Variants in LHFPL6 observed in about 807,000 individuals in gnomAD.
LHFPL6 encodes LHFPL tetraspan subfamily member 6, also known as LHFPL tetraspan subfamily member 6 protein.
A neutral mutation model predicts 20.6 loss-of-function variants in LHFPL6; 9 were observed. That is an observed-to-expected ratio of 0.44 (90% confidence interval 0.26 to 0.76). The LOEUF is 0.76. LHFPL6 is among the 30% of genes least tolerant of loss of function. LHFPL6 has a pLI of 0.20. For synonymous variants in LHFPL6, 105 were observed against 98.7 expected (o/e 1.06, Z -0.38); for missense variants, 218 against 253.5 (o/e 0.86, Z 0.95).
chr13:39,550,960 C>A (rs1871130669), intron 2 of LHFPL6, among the ~76,000 whole-genome samples: 1 of 152,056 alleles, frequency 6.6e-6, no homozygotes, highest in Non-Finnish European at 1.5e-5. Context: ...TTCTAAATAA[C>A]ATTTACCCAG....
At chr13:39,596,655 TAA>T (rs11322450) in intron 2 of LHFPL6, among the ~76,000 whole-genome samples, 344 of 147,778 alleles carry the variant, frequency 2.3e-3, no homozygotes, top group East Asian at 2.4e-3. Context: ...AGGCATAATT[TAA>T]AAAAAAAAAA....
chr13:39,429,325 TA>T (rs1566109557), intron 2 of LHFPL6, among the ~76,000 whole-genome samples: 1 of 152,194 alleles, frequency 6.6e-6, no homozygotes, highest in Admixed American at 6.5e-5. Flanking sequence ...AATAGGTACA[TA>T]TTCAGGATTA....
chr13:39,468,557 A>G (rs144091577), intron 2 of LHFPL6, among the ~76,000 whole-genome samples: 33 of 152,292 alleles, frequency 2.2e-4, no homozygotes, highest in Non-Finnish European at 4.1e-4. Context: ...CAGTGGCATA[A>G]TGCTTCCATG....
chr13:39,432,959 A>G (rs1396469803), intron 2 of LHFPL6, among the ~76,000 whole-genome samples: 1 of 152,244 alleles, frequency 6.6e-6, no homozygotes, highest in African/African-American at 2.4e-5. Flanking sequence ...GAAAACAAAT[A>G]CCAAAACAGA....
chr13:39,378,567 C>T (rs1402962924), intron 2 of LHFPL6, 41 bp from the exon 3 acceptor site: 1 of 1,441,902 alleles, frequency 6.9e-7, no homozygotes, highest in Non-Finnish European at 9.8e-7. Context: ...CAGTGCTTCT[C>T]TGCATCACTA....
chr13:39,349,613 T>C (rs999043110), intron 3 of LHFPL6, among the ~76,000 whole-genome samples: 5 of 152,200 alleles, frequency 3.3e-5, no homozygotes, highest in African/African-American at 1.2e-4. Context: ...CATTAAGCAA[T>C]AATGAGACAT....
intron 2 of LHFPL6, among the ~76,000 whole-genome samples, chr13:39,399,848 C>T (rs1351577587): frequency 6.6e-6 from 1 of 152,196 alleles, no homozygotes; most frequent in Non-Finnish European, 1.5e-5. Flanking sequence ...AATCCCAGCA[C>T]TTTGGGAGAC....
intron 2 of LHFPL6, among the ~76,000 whole-genome samples, chr13:39,501,045 C>A (rs1239449996): frequency 6.6e-6 from 1 of 152,150 alleles, no homozygotes; most frequent in East Asian, 1.9e-4. Flanking sequence ...CTTTGGGGAC[C>A]ACTGCCCTGG....
intron 2 of LHFPL6, among the ~76,000 whole-genome samples, chr13:39,457,492 G>A (rs1363399854): frequency 3.3e-5 from 5 of 152,174 alleles, no homozygotes; most frequent in African/African-American, 1.2e-4. Context: ...TGCTGGAAAG[G>A]ATGTGGAGCA....
chr13:39,541,288 T>G (rs1272368165), intron 2 of LHFPL6, among the ~76,000 whole-genome samples: 3 of 152,156 alleles, frequency 2.0e-5, no homozygotes, highest in African/African-American at 7.2e-5. Flanking sequence ...TGAACACCAA[T>G]GAAGTCCATT....
chr13:39,344,009 G>C lies in LHFPL6; in HGVS notation c.530C>G (p.Ala177Gly). Reference sequence around the variant, plus strand: ...CGTGCACAGCAGCATGGCGGCAGTGGCACCTGCTCCCGTGCAGTAGTAGGC... The same window carrying C: ...CGTGCACAGCAGCATGGCGGCAGTGCCACCTGCTCCCGTGCAGTAGTAGGC... ...GWAYYCTGAG[A>G]TAAMLLCTWL... is the part of the protein sequence containing the mutation. The change falls in exon 4 of 4, where the codon GCC becomes GGC. Residue 177 changes from alanine (A) to glycine (G), a missense_variant. By Grantham distance (60) the Ala-to-Gly change is moderately conservative (BLOSUM62 0). Transcript: ENST00000379589. 1 of 1,613,668 alleles carries C rather than the reference G, an allele frequency of 6.2e-7. No homozygotes were observed. The highest frequency in any genetic ancestry group is 8.5e-7 in the Non-Finnish European group (1 of 1,179,878).
At chr13:39,602,378 C>A (rs966539194) in intron 1 of LHFPL6, among the ~76,000 whole-genome samples, 1 of 152,178 alleles carries the variant, frequency 6.6e-6, no homozygotes, top group African/African-American at 2.4e-5. Flanking sequence ...AACCACCGCC[C>A]ATTTTCAGTT....
intron 3 of LHFPL6, among the ~76,000 whole-genome samples, chr13:39,357,910 C>G (rs1245719592): frequency 6.6e-6 from 1 of 152,058 alleles, no homozygotes; most frequent in Non-Finnish European, 1.5e-5. Flanking sequence ...ACTTAAAAAG[C>G]TACCAACCAT....
intron 2 of LHFPL6, among the ~76,000 whole-genome samples, chr13:39,485,013 T>C (rs939043099): frequency 4.5e-4 from 69 of 152,300 alleles, no homozygotes; most frequent in African/African-American, 1.5e-3. Flanking sequence ...TATAGAAGAT[T>C]CTCATTTATC....
At position 39,591,719 on chromosome 13, in the gene LHFPL6, C is replaced by T. The variant is rs541065043; in HGVS notation, c.385+9113G>A. Among the ~76,000 whole-genome samples, 3 of 152,306 alleles carry T rather than the reference C, an allele frequency of 2.0e-5. No homozygotes were observed. The East Asian group carries it at 5.8e-4, about 29-fold the overall frequency. On this transcript the variant is annotated intron_variant, in intron 2 of 3. Coordinates refer to ENST00000379589, the MANE Select transcript of LHFPL6 (RefSeq NM_005780.3). Reference sequence around the variant, plus strand: ...CTGGGCCCCACCCAGACCTTCCCAGCAGTCTCTCTGGGGCTAGGCCTTGGA... The same window carrying T: ...CTGGGCCCCACCCAGACCTTCCCAGTAGTCTCTCTGGGGCTAGGCCTTGGA...
intron 2 of LHFPL6, among the ~76,000 whole-genome samples, chr13:39,471,443 G>A (rs1872942519): frequency 6.6e-6 from 1 of 152,182 alleles, no homozygotes; most frequent in Middle Eastern, 3.2e-3. Flanking sequence ...GGCCAAGTGA[G>A]AGCAGAAACA....
intron 2 of LHFPL6, among the ~76,000 whole-genome samples, chr13:39,387,547 C>CAAAA (rs141082421): frequency 5.7e-5 from 5 of 87,954 alleles, no homozygotes; most frequent in East Asian, 3.4e-4. Context: ...GACTGTCTCA[C>CAAAA]AAAAAAAAAA....
rs112054192 is a variant in LHFPL6, at chr13:39,537,072, G to A, written c.385+63760C>T. Among the ~76,000 whole-genome samples the A allele has an allele frequency of 2.7e-3, 405 of 152,262 alleles. 1 individual carries two copies. The highest frequency in any genetic ancestry group is 9.3e-3 in the African/African-American group (387 of 41,540). On this transcript the variant is annotated intron_variant, in intron 2 of 3. Coordinates refer to ENST00000379589, the MANE Select transcript of LHFPL6 (RefSeq NM_005780.3). ...TTTGATTAACTGTCTTCCTACTGATGGCAACCCTTCAAGCCTTGTGGGAAT... is the reference window on the plus strand; with the variant it reads ...TTTGATTAACTGTCTTCCTACTGATAGCAACCCTTCAAGCCTTGTGGGAAT...
chr13:39,520,393 A>G (rs1471437916), intron 2 of LHFPL6, among the ~76,000 whole-genome samples: 1 of 152,138 alleles, frequency 6.6e-6, no homozygotes, highest in Non-Finnish European at 1.5e-5. Flanking sequence ...AGTGTGTCCT[A>G]GGAGGAGGAA....
Sources: gnomAD v4.1 joint callset for allele counts (sites outside exome capture counted in the v4.1 genomes callset) on GRCh38, gnomAD v4.1.1 for gene constraint, MANE v1.5 for transcripts, NCBI Gene and HGNC (gene_info 2026-07-23, HGNC 2026-07-21) for gene names.